The following NUSAP1 variants were observed in gnomAD, a reference collection of about 807,000 sequenced individuals.
NUSAP1 encodes nucleolar and spindle-associated protein 1.
In NUSAP1, 32 loss-of-function variants were observed where a neutral mutation model predicts 52.8. The observed-to-expected ratio is 0.61, with a 90% confidence interval of 0.46 to 0.81. The LOEUF (loss-of-function observed/expected upper bound fraction) is 0.81, where lower values mean the gene tolerates loss of function less well. Ranked by LOEUF, NUSAP1 falls within the 40% of genes least tolerant of loss-of-function variation. The pLI is 0.00. For synonymous variants in NUSAP1, 195 were observed against 183.1 expected (o/e 1.06, Z -0.52); for missense variants, 499 against 522.3 (o/e 0.96, Z 0.43).
intron 7 of NUSAP1, among the ~76,000 whole-genome samples, chr15:41,366,199 T>C (rs2049401956): frequency 3.9e-5 from 6 of 152,188 alleles, no homozygotes; most frequent in Non-Finnish European, 8.8e-5. Context: ...TTTTGAACTC[T>C]TGGGCTCAAG....
At chr15:41,335,364 CTAAA>C (rs1489901616) in intron 1 of NUSAP1, among the ~76,000 whole-genome samples, 1 of 135,370 alleles carries the variant, frequency 7.4e-6, no homozygotes, top group Non-Finnish European at 1.5e-5. Flanking sequence ...CTAAAATAAA[CTAAA>C]TATATAAATA....
chr15:41,375,030 A>G (rs569537366), intron 8 of NUSAP1, among the ~76,000 whole-genome samples: 1 of 134,116 alleles, frequency 7.5e-6, no homozygotes, highest in African/African-American at 2.8e-5. Flanking sequence ...TCCCTCTCTG[A>G]GATGGAGTCT....
At chr15:41,376,168 G>A (rs1256730835) in intron 9 of NUSAP1, among the ~76,000 whole-genome samples, 1 of 152,080 alleles carries the variant, frequency 6.6e-6, no homozygotes, top group African/African-American at 2.4e-5. Flanking sequence ...GGCTGAGGTG[G>A]GCAGATCACT....
At chr15:41,340,189 G>T (rs1299126113) in intron 1 of NUSAP1, among the ~76,000 whole-genome samples, 2 of 151,960 alleles carry the variant, frequency 1.3e-5, no homozygotes, top group Non-Finnish European at 2.9e-5. Flanking sequence ...TACCATAAGG[G>T]CAGTTTCTGT....
chr15:41,347,543 C>G (rs1281661542), intron 2 of NUSAP1, among the ~76,000 whole-genome samples: 1 of 151,954 alleles, frequency 6.6e-6, no homozygotes, highest in African/African-American at 2.4e-5. Context: ...TGGCCGGGTG[C>G]GGTGGCTCAC....
intron 1 of NUSAP1, among the ~76,000 whole-genome samples, chr15:41,342,008 T>C (rs1166756416): frequency 6.6e-6 from 1 of 152,228 alleles, no homozygotes; most frequent in Non-Finnish European, 1.5e-5. Flanking sequence ...CCTCTTTCTC[T>C]ACCTTCTCTT....
Position 41,349,698 on chromosome 15 carries a change from C to G in NUSAP1, c.306+457C>G, listed in dbSNP as rs376751237. On this transcript the variant is annotated intron_variant, in intron 3 of 10. Transcript: ENST00000559596. ...GCTTTCCGTAGACTCTGGTTTTATT[C>G]TTTTATCTTATCCTTTTATTCAAAT... Among the ~76,000 whole-genome samples, 9 of 150,958 alleles carry G rather than the reference C, an allele frequency of 6.0e-5. 1 individual carries two copies. Among genetic ancestry groups the G allele is most frequent in the East Asian group, 5.8e-4 (3 of 5,172 alleles).
chr15:41,333,149 A>G, intron 1 of NUSAP1, 99 bp downstream of exon 1: 1 of 865,294 alleles, frequency 1.2e-6, no homozygotes, highest in South Asian at 1.5e-5. Flanking sequence ...CCCGGGACTG[A>G]GGCAGCTCTC....
intron 9 of NUSAP1, 64 bp downstream of exon 9, chr15:41,375,892 C>G: frequency 9.2e-7 from 1 of 1,089,120 alleles, no homozygotes; most frequent in Non-Finnish European, 1.4e-6. Flanking sequence ...GACGCAGTGG[C>G]TCACACCTAC....
chr15:41,373,738 G>A (rs1374687931), intron 8 of NUSAP1, among the ~76,000 whole-genome samples: 1 of 151,568 alleles, frequency 6.6e-6, no homozygotes, highest in African/African-American at 2.4e-5. Context: ...ATGAGCCACC[G>A]CGCCCAGCCA....
At chr15:41,357,745 A>C (rs940797080) in intron 5 of NUSAP1, among the ~76,000 whole-genome samples, 13 of 152,194 alleles carry the variant, frequency 8.5e-5, no homozygotes, top group Admixed American at 2.6e-4. Context: ...ATGACCAGCC[A>C]AGTCTTAAAT....
chr15:41,332,986 A>AC lies in NUSAP1; in HGVS notation c.30dup (p.Ser11LeufsTer6). ...ATCATCCCCTCTCTAGAGGAGCTGG[A>AC]CTCCCTCAAGTACAGTGACCTGCAG... On this transcript the variant is annotated frameshift_variant, in exon 1 of 11. Coordinates refer to ENST00000559596, the MANE Select transcript of NUSAP1 (RefSeq NM_016359.5). LOFTEE classifies it high-confidence loss of function. 1 of 1,611,676 alleles carries AC rather than the reference A, an allele frequency of 6.2e-7. No homozygotes were observed. The highest frequency in any genetic ancestry group is 8.5e-7 in the Non-Finnish European group (1 of 1,178,910).
At chr15:41,358,386 T>G (rs2049046951) in intron 6 of NUSAP1, 128 bp downstream of exon 6, 1 of 577,308 alleles carries the variant, frequency 1.7e-6, no homozygotes. Flanking sequence ...TTAATATATC[T>G]TTATCTAAAA....
chr15:41,340,514 C>T (rs572305498), intron 1 of NUSAP1, among the ~76,000 whole-genome samples: 1 of 143,424 alleles, frequency 7.0e-6, no homozygotes, highest in South Asian at 2.1e-4. Context: ...ACAATAAATG[C>T]TTGTTGAAGG....
At position 41,380,297 on chromosome 15, in the gene NUSAP1, C is replaced by T. The variant is rs1459896837; in HGVS notation, c.*111C>T. On this transcript the variant is annotated 3_prime_UTR_variant, in exon 11 of 11. Transcript: ENST00000559596. ...TAGTCACGAGATCTTTTTCTGCTAA[C>T]TGTTCATAGTCTGTGTAGTGTCCAT... The T allele has an allele frequency of 1.4e-6, 1 of 690,592 alleles. No individual in the cohort carries two copies. 42.8% of individuals were successfully genotyped at this position (690,592 alleles called of 1,614,324 possible).
At chr15:41,338,354 G>A (rs1434195606) in intron 1 of NUSAP1, among the ~76,000 whole-genome samples, 1 of 152,132 alleles carries the variant, frequency 6.6e-6, no homozygotes, top group East Asian at 1.9e-4. Context: ...CAACAACACG[G>A]TCAGGTCCAA....
In NUSAP1 at chr15:41,333,019, C is replaced by G. The variant is rs373926118; in HGVS notation, c.62C>G (p.Ala21Gly). The change falls in exon 1 of 11, where the codon GCC (alanine) becomes GGC (glycine). Residue 21 changes from alanine (A) to glycine (G), a missense_variant. Coordinates refer to ENST00000559596, the MANE Select transcript of NUSAP1 (RefSeq NM_016359.5). ...AAGTACAGTGACCTGCAGAACTTAG[C>G]CAAGAGTCTGGGTCTCCGGGCCAAC... is the stretch of plus-strand genomic sequence containing the variant. ...SLKYSDLQNL[A>G]KSLGLRANLR... 11 of 1,611,570 alleles carry G rather than the reference C, an allele frequency of 6.8e-6. No homozygotes were observed. The East Asian group carries it at 2.2e-4, about 33-fold the overall frequency.
intron 1 of NUSAP1, 151 bp from the exon 2 acceptor site, chr15:41,342,235 T>G: frequency 1.7e-6 from 1 of 605,698 alleles, no homozygotes; most frequent in Non-Finnish European, 2.9e-6. Context: ...GTGAAATTCC[T>G]TAGAGCAGAG....
At chr15:41,338,793 T>TAAA (rs560430284) in intron 1 of NUSAP1, among the ~76,000 whole-genome samples, 1 of 143,284 alleles carries the variant, frequency 7.0e-6, no homozygotes, top group African/African-American at 2.6e-5. Context: ...CCGTCTCTAC[T>TAAA]AAAAAAAAAA....
Sources: allele counts gnomAD v4.1 joint callset (sites outside exome capture counted in the v4.1 genomes callset), GRCh38; gene constraint gnomAD v4.1.1; transcripts MANE v1.5; gene names NCBI Gene and HGNC (gene_info 2026-07-23, HGNC 2026-07-21).